MGLL: variants seen among roughly 807,000 people sequenced by gnomAD.
MGLL encodes lysophospholipase homolog.
MGLL carries 7 observed loss-of-function variants against 29.1 expected under a neutral mutation model. The observed-to-expected ratio is 0.24, with a 90% CI of 0.14 to 0.45. The LOEUF (loss-of-function observed/expected upper bound fraction) is 0.45, where lower values mean the gene tolerates loss of function less well. Among genes scored for constraint, MGLL ranks in the 20% least tolerant of loss-of-function variants. The pLI, the probability that MGLL is intolerant of heterozygous loss-of-function variation, is 0.99. For synonymous variants in MGLL, 148 were observed against 168.3 expected (o/e 0.88, Z 0.93); for missense variants, 356 against 413.6 (o/e 0.86, Z 1.21).
At chr3:127,791,343 G>C (rs1244067071) in intron 2 of MGLL, 2 of 152,232 alleles carry the variant, frequency 1.3e-5, no homozygotes, top group Non-Finnish European at 2.9e-5. Context: ...CTTCTTGTTT[G>C]TCTTTGAGCC....
chr3:127,797,208 C>G (rs2077396486), intron 2 of MGLL, among the ~76,000 whole-genome samples: 1 of 152,100 alleles, frequency 6.6e-6, no homozygotes, highest in African/African-American at 2.4e-5. Context: ...TTCACCATCC[C>G]TCTGCAGAGG....
At chr3:127,706,879 T>G (rs909252844) in intron 6 of MGLL, among the ~76,000 whole-genome samples, 2 of 152,074 alleles carry the variant, frequency 1.3e-5, no homozygotes, top group African/African-American at 4.8e-5. Context: ...TACGCTTAAG[T>G]CGAAGGCCTC....
intron 5 of MGLL, chr3:127,710,888 A>T: frequency 6.1e-4 from 325 of 533,064 alleles, no homozygotes; most frequent in Non-Finnish European, 7.5e-4. Context: ...GGAGCTGGCC[A>T]GGCAGCCGCT....
At chr3:127,793,073 C>T (rs1393761875) in intron 2 of MGLL, among the ~76,000 whole-genome samples, 1 of 152,252 alleles carries the variant, frequency 6.6e-6, no homozygotes, top group Non-Finnish European at 1.5e-5. Context: ...ATTCTCCATT[C>T]CTCCTTGGCT....
At chr3:127,707,837 G>A (rs532939886) in intron 6 of MGLL, among the ~76,000 whole-genome samples, 2 of 152,222 alleles carry the variant, frequency 1.3e-5, no homozygotes, top group African/African-American at 2.4e-5. Flanking sequence ...GCTTTGGGGC[G>A]ACGCAAGTGA....
intron 2 of MGLL, among the ~76,000 whole-genome samples, chr3:127,802,968 GTC>G (rs142783705): frequency 0.018 from 2,658 of 151,066 alleles, 81 homozygotes; most frequent in African/African-American, 0.061. Context: ...TCAAGCCTGA[GTC>G]TCTCTCTCTC....
chr3:127,775,945 C>T (rs1322897695), intron 3 of MGLL, among the ~76,000 whole-genome samples: 1 of 152,192 alleles, frequency 6.6e-6, no homozygotes, highest in Non-Finnish European at 1.5e-5. Flanking sequence ...GCATGGAAGG[C>T]CAAGGGGTTT....
intron 4 of MGLL, among the ~76,000 whole-genome samples, chr3:127,721,507 GTTTTTT>G (rs55892315): frequency 4.2e-5 from 4 of 94,828 alleles, no homozygotes; most frequent in African/African-American, 1.2e-4. Context: ...TAATAGGAGG[GTTTTTT>G]TTTTTTTTTT....
intron 3 of MGLL, among the ~76,000 whole-genome samples, chr3:127,759,527 A>T (rs2076726798): frequency 6.6e-6 from 1 of 152,184 alleles, no homozygotes; most frequent in Non-Finnish European, 1.5e-5. Context: ...CGGCCATTTA[A>T]AAATCTCAGC....
At chr3:127,804,834 C>T (rs552090890) in intron 2 of MGLL, among the ~76,000 whole-genome samples, 1 of 152,110 alleles carries the variant, frequency 6.6e-6, no homozygotes, top group Admixed American at 6.6e-5. Context: ...TCTGCAGGCA[C>T]CTCGACCCCT....
At chr3:127,722,606 A>G (rs1219273691) in intron 3 of MGLL, 40 bp from the exon 4 acceptor site, 1 of 1,614,128 alleles carries the variant, frequency 6.2e-7, no homozygotes, top group Admixed American at 1.7e-5. Context: ...TGCAGTTACC[A>G]GGTCGACTCC....
At chr3:127,808,649 A>G (rs2077609396) in intron 2 of MGLL, among the ~76,000 whole-genome samples, 1 of 152,236 alleles carries the variant, frequency 6.6e-6, no homozygotes, top group Admixed American at 6.5e-5. Flanking sequence ...TGTGGGTGGA[A>G]GAAGGAAATG....
intron 5 of MGLL, among the ~76,000 whole-genome samples, chr3:127,717,567 C>T (rs891045119): frequency 2.6e-5 from 4 of 152,180 alleles, no homozygotes; most frequent in South Asian, 2.1e-4. Context: ...CCCTTCTTGG[C>T]GGAGAGTGGG....
intron 3 of MGLL, among the ~76,000 whole-genome samples, chr3:127,769,860 C>T (rs2076920585): frequency 6.6e-6 from 1 of 152,202 alleles, no homozygotes; most frequent in Non-Finnish European, 1.5e-5. Flanking sequence ...GCTGGGGGGT[C>T]TGTCCTGAGG....
At chr3:127,778,314 C>T (rs550566503) in intron 3 of MGLL, among the ~76,000 whole-genome samples, 24 of 152,324 alleles carry the variant, frequency 1.6e-4, no homozygotes, top group African/African-American at 2.4e-4. Flanking sequence ...TGACCCAGCC[C>T]GCTCAGGGCA....
chr3:127,724,097 C>A (rs1440207857), intron 3 of MGLL, among the ~76,000 whole-genome samples: 2 of 152,170 alleles, frequency 1.3e-5, no homozygotes, highest in Non-Finnish European at 2.9e-5. Context: ...GGACTTCCAG[C>A]CTCTGGAACT....
intron 3 of MGLL, among the ~76,000 whole-genome samples, chr3:127,738,448 A>T (rs956825789): frequency 6.6e-6 from 1 of 152,096 alleles, no homozygotes; most frequent in Non-Finnish European, 1.5e-5. Context: ...CCTCCCAAGG[A>T]GCTGCTGGTG....
At chr3:127,803,795 C>G (rs749866320) in intron 2 of MGLL, among the ~76,000 whole-genome samples, 1 of 152,186 alleles carries the variant, frequency 6.6e-6, no homozygotes, top group East Asian at 1.9e-4. Context: ...AAACATTACT[C>G]ATTCCCTCGT....
At chr3:127,805,862 T>A (rs749789679) in intron 2 of MGLL, among the ~76,000 whole-genome samples, 19 of 152,222 alleles carry the variant, frequency 1.2e-4, no homozygotes, top group Non-Finnish European at 1.6e-4. Flanking sequence ...AGACAAAGGT[T>A]TGGGCCTTCC....
Sources: gnomAD v4.1 joint callset for allele counts (sites outside exome capture counted in the v4.1 genomes callset) on GRCh38, gnomAD v4.1.1 for gene constraint, MANE v1.5 for transcripts, NCBI Gene and HGNC (gene_info 2026-07-23, HGNC 2026-07-21) for gene names.